SPAG16: variants seen among roughly 807,000 people sequenced by gnomAD.
SPAG16 encodes the protein sperm-associated antigen 16 protein.
In SPAG16, 86 loss-of-function variants were observed where a neutral mutation model predicts 80.4. The ratio of observed to expected loss-of-function variants is 1.07; its 90% confidence interval spans 0.90 to 1.28. The LOEUF (loss-of-function observed/expected upper bound fraction) is 1.28. SPAG16 is among the 50% of genes most tolerant of loss of function. SPAG16 has a pLI of 0.00. For missense variants in SPAG16, 870 were observed against 765.3 expected (o/e 1.14, Z -1.61); for synonymous variants, 294 against 265.9 (o/e 1.11, Z -1.03).
chr2:213,981,590 GCAA>G (rs1232045940), intron 12 of SPAG16, among the ~76,000 whole-genome samples: 2 of 151,994 alleles, frequency 1.3e-5, no homozygotes, highest in Non-Finnish European at 2.9e-5. Context: ...GAGATTAATA[GCAA>G]TGGAAGAAAA....
At chr2:213,371,666 A>T (rs893929397) in intron 8 of SPAG16, among the ~76,000 whole-genome samples, 3 of 150,472 alleles carry the variant, frequency 2.0e-5, no homozygotes, top group African/African-American at 7.3e-5. Context: ...AAAACAACAA[A>T]TTGATTGTCA....
At chr2:213,381,706 C>T (rs941061867) in intron 9 of SPAG16, among the ~76,000 whole-genome samples, 24 of 152,092 alleles carry the variant, frequency 1.6e-4, no homozygotes, top group African/African-American at 5.8e-4. Context: ...CATGGGACAC[C>T]AATATTTCCA....
chr2:214,248,974 A>G (rs907195027), intron 15 of SPAG16, among the ~76,000 whole-genome samples: 1 of 152,200 alleles, frequency 6.6e-6, no homozygotes, highest in African/African-American at 2.4e-5. Context: ...TAGTTTTGGC[A>G]TACTTGAAAA....
At chr2:214,177,074 T>G (rs183732427) in intron 15 of SPAG16, among the ~76,000 whole-genome samples, 1 of 151,344 alleles carries the variant, frequency 6.6e-6, no homozygotes, top group East Asian at 1.9e-4. Flanking sequence ...AGAATTATGT[T>G]TGGAATAAAT....
intron 15 of SPAG16, among the ~76,000 whole-genome samples, chr2:214,174,633 C>T (rs1032419334): frequency 2.0e-5 from 3 of 151,706 alleles, no homozygotes; most frequent in African/African-American, 7.2e-5. Flanking sequence ...AATGGCTTAA[C>T]ATCATCAATA....
chr2:213,933,346 A>C (rs1245432002), intron 12 of SPAG16, among the ~76,000 whole-genome samples: 2 of 152,232 alleles, frequency 1.3e-5, no homozygotes, highest in African/African-American at 4.8e-5. Context: ...ATGAGATTAC[A>C]AGTAATTTAA....
chr2:214,100,518 A>G lies in SPAG16; in HGVS notation c.1528-7678A>G, dbSNP rs552467003. Among the ~76,000 whole-genome samples, 20 of 152,150 alleles carry G rather than the reference A, an allele frequency of 1.3e-4. 1 individual carries two copies. The highest frequency in any genetic ancestry group is 8.5e-4 in the Admixed American group (13 of 15,256). On this transcript the variant is annotated intron_variant, in intron 13 of 15. Transcript: ENST00000331683. ...ATAGTACCTGATAAGTAGTTTTTCAATACTCGTCTTTCTCCCACCTTCCAC... is the reference window on the plus strand; with the variant it reads ...ATAGTACCTGATAAGTAGTTTTTCAGTACTCGTCTTTCTCCCACCTTCCAC...
At chr2:214,221,202 T>G (rs539465701) in intron 15 of SPAG16, among the ~76,000 whole-genome samples, 1 of 152,348 alleles carries the variant, frequency 6.6e-6, no homozygotes, top group South Asian at 2.1e-4. Context: ...ACAAAAGTTT[T>G]TCACTCTCAC....
chr2:214,112,971 T>G (rs2053752397), intron 14 of SPAG16, among the ~76,000 whole-genome samples: 1 of 152,214 alleles, frequency 6.6e-6, no homozygotes, highest in Admixed American at 6.5e-5. Flanking sequence ...GGTTGTTCCT[T>G]TCTATGTTTA....
In SPAG16 at chr2:213,321,529, G is replaced by C. The variant is rs142878148; in HGVS notation, c.536+4173G>C. On this transcript the variant is annotated intron_variant, in intron 5 of 15. Coordinates refer to ENST00000331683, the MANE Select transcript of SPAG16 (RefSeq NM_024532.5). ...TAACTCTAAATGCTGTCATCTCTAA[G>C]TTTTTATTAATCACATCATTAATAT... 3.8e-3 allele frequency among the ~76,000 whole-genome samples: 578 copies of C among 152,034 alleles called. 3 individuals are homozygous for C. The highest frequency in any genetic ancestry group is 0.013 in the African/African-American group (532 of 41,430).
intron 15 of SPAG16, among the ~76,000 whole-genome samples, chr2:214,380,747 C>T (rs6713816): frequency 0.027 from 4,161 of 152,298 alleles, 109 homozygotes; most frequent in African/African-American, 0.072. Context: ...AAATGATAAG[C>T]ACCACAGCAT....
chr2:213,415,018 G>T (rs2069172909), intron 9 of SPAG16, among the ~76,000 whole-genome samples: 1 of 152,162 alleles, frequency 6.6e-6, no homozygotes. Context: ...AGAACAATAT[G>T]GGAAAACCGC....
chr2:214,008,828 T>C (rs2047154741), intron 12 of SPAG16, among the ~76,000 whole-genome samples: 2 of 152,242 alleles, frequency 1.3e-5, no homozygotes. Context: ...GGAAAAGGTA[T>C]TGAGTTCTGT....
At chr2:214,012,280 A>ATTTTTTTTTT (rs1237894126) in intron 12 of SPAG16, among the ~76,000 whole-genome samples, 5 of 46,382 alleles carry the variant, frequency 1.1e-4, no homozygotes, top group African/African-American at 2.1e-4. Flanking sequence ...ATATATATAT[A>ATTTTTTTTTT]TATATATATT....
intron 13 of SPAG16, among the ~76,000 whole-genome samples, chr2:214,088,568 A>C (rs141303946): frequency 8.0e-4 from 122 of 152,314 alleles, no homozygotes; most frequent in African/African-American, 2.9e-3. Flanking sequence ...AGGCCAGGGC[A>C]CAACAAAGAC....
At chr2:213,962,917 TCTC>T (rs1485506207) in intron 12 of SPAG16, among the ~76,000 whole-genome samples, 1 of 152,168 alleles carries the variant, frequency 6.6e-6, no homozygotes, top group Non-Finnish European at 1.5e-5. Flanking sequence ...ATTTTAGTCT[TCTC>T]TGTTTTTTTT....
chr2:213,867,398 A>G (rs1232963789), intron 11 of SPAG16, among the ~76,000 whole-genome samples: 1 of 152,226 alleles, frequency 6.6e-6, no homozygotes, highest in Non-Finnish European at 1.5e-5. Flanking sequence ...CCCTTGTGCA[A>G]GGTAGAGGTC....
At position 214,375,668 on chromosome 2, in the gene SPAG16, C is replaced by T. The variant is rs546613648; in HGVS notation, c.1721-34472C>T. 2.0e-5 allele frequency among the ~76,000 whole-genome samples: 3 copies of T among 152,204 alleles called. No homozygotes were observed. In the South Asian group the frequency reaches 6.2e-4, roughly 32 times the overall value. On this transcript the variant is annotated intron_variant, in intron 15 of 15. Coordinates refer to ENST00000331683, the MANE Select transcript of SPAG16 (RefSeq NM_024532.5). ...CTTAGTGAAGAAAAGGAAGAGTAAA[C>T]CAGGTATGCTTTGTTGTCTAACACT...
chr2:213,524,532 G>A (rs1484795203), intron 10 of SPAG16, among the ~76,000 whole-genome samples: 1 of 152,222 alleles, frequency 6.6e-6, no homozygotes, highest in Admixed American at 6.5e-5. Flanking sequence ...CTGGGAAGGA[G>A]GTTGTACCAT....
Sources: gnomAD v4.1 joint callset for allele counts (sites outside exome capture counted in the v4.1 genomes callset) on GRCh38, gnomAD v4.1.1 for gene constraint, MANE v1.5 for transcripts, NCBI Gene and HGNC (gene_info 2026-07-23, HGNC 2026-07-21) for gene names.